GRAMD1C: variants seen among roughly 807,000 people sequenced by gnomAD.
The protein encoded by GRAMD1C is GRAM domain containing 1C.
A neutral mutation model predicts 97.8 loss-of-function variants in GRAMD1C; 89 were observed. That is an observed-to-expected ratio of 0.91 (90% CI 0.77 to 1.09). The LOEUF (loss-of-function observed/expected upper bound fraction) is 1.09. GRAMD1C is among the 50% of genes least tolerant of loss of function. GRAMD1C has a pLI of 0.00. For synonymous variants in GRAMD1C, 256 were observed against 267.0 expected (o/e 0.96, Z 0.40); for missense variants, 740 against 766.4 (o/e 0.97, Z 0.41).
chr3:113,934,709 T>C (rs1311804659), intron 13 of GRAMD1C, among the ~76,000 whole-genome samples, 174 bp downstream of exon 13: 1 of 152,202 alleles, frequency 6.6e-6, no homozygotes, highest in African/African-American at 2.4e-5. Flanking sequence ...TTCAAAACTT[T>C]TAATTTTCAT....
intron 10 of GRAMD1C, 107 bp downstream of exon 10, chr3:113,915,945 C>G: frequency 2.3e-6 from 2 of 865,094 alleles, no homozygotes; most frequent in Non-Finnish European, 3.7e-6. Flanking sequence ...AAGAATTAGA[C>G]ATGCTTTGCT....
At chr3:113,914,559 C>T (rs1936731318) in intron 9 of GRAMD1C, among the ~76,000 whole-genome samples, 1 of 152,158 alleles carries the variant, frequency 6.6e-6, no homozygotes, top group South Asian at 2.1e-4. Context: ...AATTTTTATT[C>T]TGTATCGATG....
At chr3:113,886,147 G>A (rs1370391149) in intron 6 of GRAMD1C, 2 of 1,464,548 alleles carry the variant, frequency 1.4e-6, no homozygotes, top group Admixed American at 4.3e-5. Context: ...GGCAGGGTCT[G>A]CCCCTCCCAC....
At chr3:113,925,905 A>G (rs1937216357) in intron 10 of GRAMD1C, among the ~76,000 whole-genome samples, 2 of 152,108 alleles carry the variant, frequency 1.3e-5, no homozygotes, top group Admixed American at 6.5e-5. Flanking sequence ...TCAAGCCCTC[A>G]AATATAGAGT....
rs377706333 is a variant in GRAMD1C, at chr3:113,933,541, T to C, written c.1240T>C (p.Phe414Leu). The C allele has an allele frequency of 6.2e-7, 1 of 1,611,596 alleles. No homozygotes were observed. Among genetic ancestry groups the C allele is most frequent in the African/African-American group, 1.3e-5 (1 of 75,008 alleles). ...TLYKESREAR[F>L]YLVDSEVLTH... ...GTATAAAGAAAGTCGGGAAGCACGA[T>C]TTTATTTGGTAGATTCAGAAGTACT... The change falls in exon 12 of 18, where the codon TTT becomes CTT. Residue 414 changes from phenylalanine (F) to leucine (L), a missense_variant. By Grantham distance (22) the Phe-to-Leu change is conservative. Transcript: ENST00000358160.
At chr3:113,880,311 T>C (rs2107395604) in intron 5 of GRAMD1C, among the ~76,000 whole-genome samples, 1 of 152,294 alleles carries the variant, frequency 6.6e-6, no homozygotes, top group East Asian at 1.9e-4. Flanking sequence ...TTTTCAGACT[T>C]CCTTTCTTTT....
At chr3:113,906,224 CA>C (rs1254404007) in intron 8 of GRAMD1C, among the ~76,000 whole-genome samples, 1 of 152,014 alleles carries the variant, frequency 6.6e-6, no homozygotes, top group Non-Finnish European at 1.5e-5. Context: ...CTTCTATATA[CA>C]AAAAAAGTTA....
intron 1 of GRAMD1C, among the ~76,000 whole-genome samples, chr3:113,841,334 G>C (rs1709784698): frequency 8.6e-6 from 1 of 116,900 alleles, no homozygotes; most frequent in South Asian, 3.0e-4. Context: ...CGCCCAGGCT[G>C]GAGTGCAGTG....
At chr3:113,909,378 A>G (rs1220631039) in intron 9 of GRAMD1C, among the ~76,000 whole-genome samples, 3 of 152,236 alleles carry the variant, frequency 2.0e-5, no homozygotes, top group Non-Finnish European at 4.4e-5. Flanking sequence ...ATAAAAACAT[A>G]TATGCCCATT....
intron 1 of GRAMD1C, among the ~76,000 whole-genome samples, chr3:113,843,049 GTTTTT>G (rs71144092): frequency 3.7e-5 from 2 of 53,400 alleles, no homozygotes; most frequent in East Asian, 1.3e-3. Context: ...ACCATAAGCT[GTTTTT>G]TTTTTTTTTT....
intron 1 of GRAMD1C, among the ~76,000 whole-genome samples, chr3:113,842,044 G>C (rs1933352475): frequency 6.6e-6 from 1 of 152,158 alleles, no homozygotes; most frequent in South Asian, 2.1e-4. Flanking sequence ...CTAAAGACTT[G>C]ATTTAAATTT....
Position 113,871,005 on chromosome 3 carries a change from A to G in GRAMD1C, c.259+1414A>G, listed in dbSNP as rs982167980. The stretch of plus-strand genomic sequence containing the variant: ...CACACACACACACACACACACACAC[A>G]CACACACACACACACACAGAGGAAT... On this transcript the variant is annotated intron_variant, in intron 3 of 17. Transcript: ENST00000358160. Among the ~76,000 whole-genome samples, 28 of 103,552 alleles carry G rather than the reference A, an allele frequency of 2.7e-4. 1 individual carries two copies. The South Asian group carries it at 4.7e-3, about 17-fold the overall frequency. 67.9% of individuals were successfully genotyped at this position (103,552 alleles called of 152,430 possible). A position where few individuals can be genotyped will look rare whatever the true frequency, so the allele number is the denominator to read the frequency against.
At chr3:113,920,433 CT>C (rs995345570) in intron 10 of GRAMD1C, among the ~76,000 whole-genome samples, 3 of 152,134 alleles carry the variant, frequency 2.0e-5, no homozygotes, top group African/African-American at 7.2e-5. Context: ...CTTAAACTGC[CT>C]TTTTTGTTTT....
intron 11 of GRAMD1C, among the ~76,000 whole-genome samples, chr3:113,933,131 C>A (rs1359828782): frequency 6.6e-6 from 1 of 152,164 alleles, no homozygotes; most frequent in East Asian, 1.9e-4. Context: ...ATGATCCACC[C>A]ACATCAGCTT....
intron 2 of GRAMD1C, chr3:113,850,695 C>T (rs918681274): frequency 6.9e-6 from 11 of 1,583,806 alleles, no homozygotes; most frequent in South Asian, 2.3e-5. Context: ...AAAAGGAGTT[C>T]ATAAATGGCA....
At chr3:113,883,299 C>T (rs1279154416) in intron 6 of GRAMD1C, among the ~76,000 whole-genome samples, 1 of 151,924 alleles carries the variant, frequency 6.6e-6, no homozygotes, top group African/African-American at 2.4e-5. Flanking sequence ...CTGAGGTGAG[C>T]GGATTGCTTG....
At chr3:113,932,879 C>T (rs1185747582) in intron 11 of GRAMD1C, among the ~76,000 whole-genome samples, 1 of 104,912 alleles carries the variant, frequency 9.5e-6, no homozygotes, top group African/African-American at 3.9e-5. Flanking sequence ...CTAATATTTT[C>T]TTCTTTCTTT....
At chr3:113,940,061 A>G in intron 16 of GRAMD1C, 65 bp downstream of exon 16, 1 of 992,108 alleles carries the variant, frequency 1.0e-6, no homozygotes, top group East Asian at 2.4e-5. Context: ...GTTGCAGAAA[A>G]CTTAATTTCA....
At chr3:113,873,766 G>A (rs1044440512) in intron 3 of GRAMD1C, among the ~76,000 whole-genome samples, 2 of 152,164 alleles carry the variant, frequency 1.3e-5, no homozygotes, top group East Asian at 1.9e-4. Flanking sequence ...TGATCTGCCC[G>A]CCTTGGCCTC....
Sources: gnomAD v4.1 joint callset for allele counts (sites outside exome capture counted in the v4.1 genomes callset) on GRCh38, gnomAD v4.1.1 for gene constraint, MANE v1.5 for transcripts, NCBI Gene and HGNC (gene_info 2026-07-23, HGNC 2026-07-21) for gene names.